RNF180: variants seen among roughly 807,000 people sequenced by gnomAD.
RNF180 encodes E3 ubiquitin-protein ligase RNF180.
Under a neutral mutation model 59.2 loss-of-function variants are expected in RNF180, and 38 were observed. That is an observed-to-expected ratio of 0.64 (90% CI 0.50 to 0.84). The LOEUF is 0.84. RNF180 is among the 40% of genes least tolerant of loss of function. The pLI is 0.00. For synonymous variants in RNF180, 262 were observed against 240.3 expected (o/e 1.09, Z -0.84); for missense variants, 705 against 700.9 (o/e 1.01, Z -0.07).
chr5:64,192,903 G>GTGTGTGTATATATATATATATATATATA (rs1486448173), intron 1 of RNF180, among the ~76,000 whole-genome samples: 3 of 93,866 alleles, frequency 3.2e-5, no homozygotes, highest in African/African-American at 1.2e-4. Flanking sequence ...AGTGTGGCAT[G>GTGTGTGTATATATATATATATATATATA]TATATATATA....
chr5:64,317,322 A>G (rs1182166320), intron 5 of RNF180, among the ~76,000 whole-genome samples: 2 of 152,212 alleles, frequency 1.3e-5, no homozygotes, highest in Non-Finnish European at 2.9e-5. Flanking sequence ...TAAGTGTGCA[A>G]TAGTATTATG....
At chr5:64,172,817 C>A (rs1190287773) in intron 1 of RNF180, among the ~76,000 whole-genome samples, 1 of 152,116 alleles carries the variant, frequency 6.6e-6, no homozygotes, top group Non-Finnish European at 1.5e-5. Context: ...CTTCAGTGAA[C>A]CCCTGAGGCA....
At chr5:64,334,948 T>C (rs1004482867) in intron 7 of RNF180, among the ~76,000 whole-genome samples, 2 of 152,228 alleles carry the variant, frequency 1.3e-5, no homozygotes, top group Admixed American at 6.5e-5. Flanking sequence ...AGCACATCTT[T>C]AACTTCATAA....
intron 7 of RNF180, among the ~76,000 whole-genome samples, chr5:64,332,325 C>T (rs1320205556): frequency 1.3e-5 from 2 of 152,162 alleles, no homozygotes; most frequent in East Asian, 3.9e-4. Flanking sequence ...AGCAGAAGCT[C>T]TATTTATTTA....
intron 5 of RNF180, among the ~76,000 whole-genome samples, chr5:64,322,295 CTTAAAT>C (rs1411473080): frequency 6.6e-6 from 1 of 151,492 alleles, no homozygotes; most frequent in Non-Finnish European, 1.5e-5. Flanking sequence ...CTATAAGAAA[CTTAAAT>C]TTAAAGAAAA....
chr5:64,294,978 A>C (rs1241697772), intron 5 of RNF180, among the ~76,000 whole-genome samples: 1 of 152,192 alleles, frequency 6.6e-6, no homozygotes, highest in African/African-American at 2.4e-5. Context: ...CTGATTTTTT[A>C]ATCACAGATT....
intron 5 of RNF180, among the ~76,000 whole-genome samples, chr5:64,253,656 G>T (rs892873813): frequency 2.0e-5 from 3 of 151,998 alleles, no homozygotes; most frequent in African/African-American, 7.2e-5. Context: ...TTATGCACAG[G>T]CAAAACTGAA....
At chr5:64,271,499 A>ATG (rs1741396483) in intron 5 of RNF180, among the ~76,000 whole-genome samples, 1 of 152,108 alleles carries the variant, frequency 6.6e-6, no homozygotes, top group Non-Finnish European at 1.5e-5. Context: ...GCCTAGGAGC[A>ATG]ATAGGCTATA....
At chr5:64,223,825 A>G (rs1036229319) in intron 5 of RNF180, among the ~76,000 whole-genome samples, 3 of 152,186 alleles carry the variant, frequency 2.0e-5, no homozygotes, top group Non-Finnish European at 4.4e-5. Flanking sequence ...ACAACAATGA[A>G]TGAAATATCA....
At chr5:64,305,599 TAAC>T (rs1480103269) in intron 5 of RNF180, among the ~76,000 whole-genome samples, 6 of 151,036 alleles carry the variant, frequency 4.0e-5, no homozygotes, top group African/African-American at 1.5e-4. Context: ...CAACCTCTAA[TAAC>T]AGTTTCCTAA....
intron 7 of RNF180, among the ~76,000 whole-genome samples, chr5:64,356,751 CA>C (rs1746043835): frequency 6.6e-6 from 1 of 151,732 alleles, no homozygotes; most frequent in African/African-American, 2.4e-5. Flanking sequence ...AAACCAAACA[CA>C]AAAGGCCAAG....
chr5:64,170,719 G>C (rs1361690606), intron 1 of RNF180, among the ~76,000 whole-genome samples: 1 of 152,126 alleles, frequency 6.6e-6, no homozygotes. Context: ...TAAGGTCTGT[G>C]GCTTAAGAAG....
At chr5:64,322,633 G>GTGTGTGTT (rs1453594447) in intron 5 of RNF180, among the ~76,000 whole-genome samples, 2 of 139,776 alleles carry the variant, frequency 1.4e-5, no homozygotes, top group African/African-American at 5.3e-5. Context: ...GTGTGTGTGT[G>GTGTGTGTT]TGTGTATAAC....
intron 4 of RNF180, among the ~76,000 whole-genome samples, chr5:64,216,033 C>T (rs1051373299): frequency 3.3e-5 from 5 of 151,768 alleles, no homozygotes; most frequent in African/African-American, 1.2e-4. Context: ...CATTCACATA[C>T]ATATGATATA....
At chr5:64,337,483 T>A (rs1455953731) in intron 7 of RNF180, among the ~76,000 whole-genome samples, 1 of 152,186 alleles carries the variant, frequency 6.6e-6, no homozygotes, top group African/African-American at 2.4e-5. Flanking sequence ...TATTGTTGTC[T>A]AGAAATATAT....
At chr5:64,310,029 G>A (rs1052775268) in intron 5 of RNF180, among the ~76,000 whole-genome samples, 1 of 151,540 alleles carries the variant, frequency 6.6e-6, no homozygotes, top group Non-Finnish European at 1.5e-5. Flanking sequence ...TCTCAGATGG[G>A]TATCTATGAT....
intron 7 of RNF180, among the ~76,000 whole-genome samples, chr5:64,356,781 T>C (rs890388933): frequency 6.6e-6 from 1 of 151,826 alleles, no homozygotes; most frequent in Admixed American, 6.6e-5. Flanking sequence ...ATTCCACAAA[T>C]TCATATAGAA....
chr5:64,308,517 A>G (rs555368339), intron 5 of RNF180, among the ~76,000 whole-genome samples: 9 of 151,882 alleles, frequency 5.9e-5, no homozygotes, highest in Admixed American at 3.9e-4. Flanking sequence ...ACAAAAGTGT[A>G]GCCAGGGGCT....
At chr5:64,253,502 C>A (rs111401946) in intron 5 of RNF180, among the ~76,000 whole-genome samples, 1,522 of 152,086 alleles carry the variant, frequency 0.01, 11 homozygotes, top group South Asian at 0.018. Flanking sequence ...AAAATTTGAT[C>A]CCCTGTAGTT....
Sources: gnomAD v4.1 joint callset for allele counts (sites outside exome capture counted in the v4.1 genomes callset) on GRCh38, gnomAD v4.1.1 for gene constraint, MANE v1.5 for transcripts, NCBI Gene and HGNC (gene_info 2026-07-23, HGNC 2026-07-21) for gene names.